ADAMTS16: variants seen among roughly 807,000 people sequenced by gnomAD.
The protein encoded by ADAMTS16 is A disintegrin and metalloproteinase with thrombospondin motifs 16.
In ADAMTS16, 94 loss-of-function variants were observed where a neutral mutation model predicts 145.8. That is an observed-to-expected ratio of 0.64 (90% confidence interval 0.55 to 0.77). The LOEUF is 0.77. Ranked by LOEUF, ADAMTS16 falls within the 30% of genes least tolerant of loss-of-function variation. The pLI, the probability that ADAMTS16 is intolerant of heterozygous loss-of-function variation, is 0.00. For synonymous variants in ADAMTS16, 659 were observed against 604.3 expected, an observed-to-expected ratio of 1.09 and a Z score of -1.33; for missense variants, 1,585 against 1,591.5, an observed-to-expected ratio of 1.00 and a Z score of 0.07.
intron 3 of ADAMTS16, among the ~76,000 whole-genome samples, chr5:5,178,515 T>C (rs1735254920): frequency 1.3e-5 from 2 of 152,242 alleles, no homozygotes; most frequent in Admixed American, 6.5e-5. Context: ...ATGAAGTAAC[T>C]TTTTTGTGTT....
At chr5:5,240,229 G>T (rs976397359) in intron 16 of ADAMTS16, among the ~76,000 whole-genome samples, 1 of 152,118 alleles carries the variant, frequency 6.6e-6, no homozygotes, top group South Asian at 2.1e-4. Context: ...TCTTGGGGGA[G>T]GGAGGTGGGG....
chr5:5,232,415 G>A lies in ADAMTS16; in HGVS notation c.1749G>A (p.Lys583=). 3 of 1,614,016 alleles carry A rather than the reference G, an allele frequency of 1.9e-6. No homozygotes were observed. The highest frequency in any genetic ancestry group is 1.7e-6 in the Non-Finnish European group (2 of 1,180,008). ...TGAAATATGGTGATGAAGGCCCCAA[G>A]CCCACCCATGGCCACTGGTCGGACT... ...QCVKYGDEGP[K]PTHGHWSDWS... The change falls in exon 12 of 23, where the codon AAG becomes AAA. Residue 583 remains lysine, a synonymous_variant. Transcript: ENST00000274181.
Position 5,239,943 on chromosome 5 carries a change from G to C in ADAMTS16, c.2523+18G>C. On this transcript the variant is annotated intron_variant, in intron 16 of 22. Transcript: ENST00000274181. ...TTGTGGAGGTAAAGTCCAGCCTCTT[G>C]ATTTTGGGGCTTGGATTTTGGGGGT... The C allele has an allele frequency of 5.6e-6, 9 of 1,611,270 alleles. No individual in the cohort carries two copies. Among genetic ancestry groups the C allele is most frequent in the Non-Finnish European group, 6.8e-6 (8 of 1,178,292 alleles).
chr5:5,316,790 C>A (rs1409844834), intron 21 of ADAMTS16, among the ~76,000 whole-genome samples: 1 of 152,190 alleles, frequency 6.6e-6, no homozygotes, highest in Admixed American at 6.5e-5. Context: ...TAAAGATTGG[C>A]TTGTCAAGCT....
intron 10 of ADAMTS16, among the ~76,000 whole-genome samples, chr5:5,215,186 T>C (rs879684365): frequency 6.6e-5 from 10 of 152,260 alleles, no homozygotes; most frequent in African/African-American, 1.4e-4. Context: ...TATGTATGTT[T>C]ACATACTTAT....
Position 5,225,673 on chromosome 5 carries a change from A to C in ADAMTS16, c.1701+2789A>C, listed in dbSNP as rs1736739673. Among the ~76,000 whole-genome samples, 4 of 152,056 alleles carry C rather than the reference A, an allele frequency of 2.6e-5. No homozygotes were observed. In the South Asian group the frequency reaches 8.3e-4, roughly 32 times the overall value. On this transcript the variant is annotated intron_variant, in intron 11 of 22. Coordinates refer to ENST00000274181, the MANE Select transcript of ADAMTS16 (RefSeq NM_139056.4). The stretch of plus-strand genomic sequence containing the variant: ...GAGGGGAGAGTAGACAAATAAGGCC[A>C]GCAGTTGCATTCTTTGGAAGCTTCA...
At chr5:5,271,985 C>T (rs1366028659) in intron 18 of ADAMTS16, among the ~76,000 whole-genome samples, 2 of 152,138 alleles carry the variant, frequency 1.3e-5, no homozygotes, top group African/African-American at 4.8e-5. Flanking sequence ...CTCAGCAGGG[C>T]AGCTTTATTT....
At chr5:5,197,014 T>C (rs1735823559) in intron 8 of ADAMTS16, among the ~76,000 whole-genome samples, 1 of 152,206 alleles carries the variant, frequency 6.6e-6, no homozygotes, top group Admixed American at 6.5e-5. Flanking sequence ...CTATCTTTCA[T>C]GGAGGGTGAG....
intron 21 of ADAMTS16, among the ~76,000 whole-genome samples, chr5:5,315,036 A>G (rs1733989426): frequency 6.6e-6 from 1 of 152,240 alleles, no homozygotes; most frequent in African/African-American, 2.4e-5. Context: ...CAATTTATAA[A>G]AGAAAGAGGT....
At chr5:5,154,593 GAAGTGA>G (rs1335226346) in intron 3 of ADAMTS16, among the ~76,000 whole-genome samples, 1 of 152,030 alleles carries the variant, frequency 6.6e-6, no homozygotes, top group Non-Finnish European at 1.5e-5. Context: ...TCTCATTTTT[GAAGTGA>G]TGAAACTGAG....
chr5:5,214,663 C>T (rs1311354567), intron 10 of ADAMTS16, among the ~76,000 whole-genome samples: 2 of 152,202 alleles, frequency 1.3e-5, no homozygotes, highest in African/African-American at 4.8e-5. Flanking sequence ...CTTGGCCTCC[C>T]AAAGTGCTGG....
chr5:5,140,544 G>A lies in ADAMTS16; in HGVS notation c.72+5G>A, dbSNP rs1344529928. The A allele has an allele frequency of 5.3e-6, 8 of 1,509,830 alleles. No individual in the cohort carries two copies. In the South Asian group the frequency reaches 8.7e-5, roughly 16 times the overall value. The allele number at this position is 1,509,830 out of a possible 1,614,324, so 93.5% of individuals were successfully genotyped here. A position where few individuals can be genotyped will look rare whatever the true frequency, so the allele number is the denominator to read the frequency against. ...TTGGCGCAGGTGGCCGAGCAGGTGA[G>A]TCCCGGGCGCTCCCACCAGCGCGGA... On this transcript the variant is annotated splice_donor_5th_base_variant and intron_variant, in intron 1 of 22. Coordinates refer to ENST00000274181, the MANE Select transcript of ADAMTS16 (RefSeq NM_139056.4).
At chr5:5,243,553 C>T (rs1737357107) in intron 17 of ADAMTS16, among the ~76,000 whole-genome samples, 1 of 152,130 alleles carries the variant, frequency 6.6e-6, no homozygotes, top group African/African-American at 2.4e-5. Flanking sequence ...ATGTTGAATG[C>T]ACTTGATTTT....
intron 8 of ADAMTS16, among the ~76,000 whole-genome samples, chr5:5,192,306 C>T (rs568766296): frequency 6.6e-6 from 1 of 152,260 alleles, no homozygotes; most frequent in South Asian, 2.1e-4. Flanking sequence ...GTATCTGTCC[C>T]GATTCCTCTG....
chr5:5,192,687 C>T (rs994214148), intron 8 of ADAMTS16, among the ~76,000 whole-genome samples: 7 of 152,112 alleles, frequency 4.6e-5, no homozygotes, highest in Admixed American at 3.9e-4. Context: ...CAGCAATGGG[C>T]GGTGGGTCAT....
Position 5,310,144 on chromosome 5 carries a change from A to G in ADAMTS16, c.3411+3416A>G, listed in dbSNP as rs1740362675. Among the ~76,000 whole-genome samples, 1 of 152,146 alleles carries G rather than the reference A, an allele frequency of 6.6e-6. No homozygotes were observed. ...CAAAGGAGGCTGAGCTCAGCAGCCA[A>G]GCATCCCCCAAATGCTTGGTCAGAT... is the stretch of plus-strand genomic sequence containing the variant. On this transcript the variant is annotated intron_variant, in intron 21 of 22. Transcript: ENST00000274181. The surrounding 1 kb of genome is among the most constrained non-coding windows in gnomAD (Gnocchi z 4.3).
At chr5:5,216,626 T>C (rs1337183274) in intron 10 of ADAMTS16, among the ~76,000 whole-genome samples, 2 of 150,662 alleles carry the variant, frequency 1.3e-5, no homozygotes, top group African/African-American at 4.9e-5. Flanking sequence ...TTTATTATAC[T>C]TTAAGTTTTA....
At chr5:5,306,851 G>A (rs780519939) in intron 21 of ADAMTS16, 123 bp downstream of exon 21, 1 of 1,015,316 alleles carries the variant, frequency 9.8e-7, no homozygotes, top group Non-Finnish European at 1.4e-6. Context: ...TACTGCATGA[G>A]GTTTTCTTTC....
rs886693995 is a variant in ADAMTS16, at chr5:5,190,268, C to G, written c.1207+138C>G. ...TTAGTGAAGGTGTAAAGACTCACTT[C>G]CCTGTATAAACTTTAGCCAAACATA... is the stretch of plus-strand genomic sequence containing the variant. On this transcript the variant is annotated intron_variant, in intron 7 of 22. Transcript: ENST00000274181. 9.1e-6 allele frequency: 8 copies of G among 879,292 alleles called. No homozygotes were observed. The South Asian group carries it at 1.9e-4, about 21-fold the overall frequency. The allele number at this position is 879,292 out of a possible 1,614,324, so 54.5% of individuals were successfully genotyped here.
Sources: allele counts gnomAD v4.1 joint callset (sites outside exome capture counted in the v4.1 genomes callset), GRCh38; gene constraint gnomAD v4.1.1; non-coding constraint Gnocchi (gnomAD v3.1); transcripts MANE v1.5; gene names NCBI Gene and HGNC (gene_info 2026-07-23, HGNC 2026-07-21).